Variants in APBA1 observed in about 807,000 individuals in gnomAD.
APBA1 encodes amyloid beta precursor protein binding family A member 1.
APBA1 carries 55 observed loss-of-function variants against 86.6 expected under a neutral mutation model. That is an observed-to-expected ratio of 0.64 (90% confidence interval 0.51 to 0.80). The LOEUF is 0.80. Among genes scored for constraint, APBA1 ranks in the 30% least tolerant of loss-of-function variants. APBA1 has a pLI of 0.00. For missense variants in APBA1, 1,090 were observed against 1,183.0 expected (o/e 0.92, Z 1.15); for synonymous variants, 511 against 493.9 (o/e 1.03, Z -0.46).
intron 8 of APBA1, among the ~76,000 whole-genome samples, chr9:69,453,771 T>C (rs1835051018): frequency 6.6e-6 from 1 of 152,246 alleles, no homozygotes; most frequent in East Asian, 1.9e-4. Flanking sequence ...TGGCAAAATC[T>C]GTAAGATTCA....
At chr9:69,604,421 C>A (rs1410884596) in intron 1 of APBA1, among the ~76,000 whole-genome samples, 1 of 145,946 alleles carries the variant, frequency 6.9e-6, no homozygotes, top group African/African-American at 2.6e-5. Flanking sequence ...AGTGTGGGCA[C>A]ACATATATGA....
rs537461078 is a variant in APBA1 at position 69,489,168 on chromosome 9, C to T, written c.1201-13025G>A. ...ATGGAACCAGAAAAGCCCGCATTGCCAAGATAATCCTAAGCCAAAAGGACA... is the reference window on the plus strand; with the variant it reads ...ATGGAACCAGAAAAGCCCGCATTGCTAAGATAATCCTAAGCCAAAAGGACA... On this transcript the variant is annotated intron_variant, in intron 2 of 12. Transcript: ENST00000265381. Among the ~76,000 whole-genome samples the T allele has an allele frequency of 1.8e-3, 268 of 152,126 alleles. 1 individual carries two copies. Among genetic ancestry groups the T allele is most frequent in the African/African-American group, 6.0e-3 (249 of 41,494 alleles).
intron 1 of APBA1, among the ~76,000 whole-genome samples, chr9:69,541,854 C>A (rs986577812): frequency 6.6e-6 from 1 of 151,852 alleles, no homozygotes; most frequent in Non-Finnish European, 1.5e-5. Context: ...TATTAAAATT[C>A]AAAAGTAATT....
At chr9:69,511,547 A>G (rs1836040918) in intron 2 of APBA1, among the ~76,000 whole-genome samples, 1 of 151,854 alleles carries the variant, frequency 6.6e-6, no homozygotes. Flanking sequence ...TAGAAATACC[A>G]TTTGACCCAG....
At chr9:69,672,645 G>A (rs1823980819), upstream of APBA1, 2 of 151,514 alleles carry the variant, frequency 1.3e-5, no homozygotes, top group African/African-American at 4.8e-5. Flanking sequence ...CGGCACACCC[G>A]CGCCTCTCGC....
chr9:69,615,034 A>C (rs1193631118), intron 1 of APBA1, among the ~76,000 whole-genome samples: 1 of 152,080 alleles, frequency 6.6e-6, no homozygotes, highest in Non-Finnish European at 1.5e-5. Context: ...CCCCTTCTCT[A>C]TCAAAAAATA....
chr9:69,630,529 T>C (rs1398090247), intron 1 of APBA1, among the ~76,000 whole-genome samples: 1 of 152,188 alleles, frequency 6.6e-6, no homozygotes, highest in African/African-American at 2.4e-5. Flanking sequence ...GTGCTGCCTC[T>C]ACCTCCTGGC....
At chr9:69,574,524 G>A (rs1384588146) in intron 1 of APBA1, among the ~76,000 whole-genome samples, 8 of 152,096 alleles carry the variant, frequency 5.3e-5, no homozygotes, top group Non-Finnish European at 7.4e-5. Context: ...TGAATGTACT[G>A]ATCTCTTTTT....
At chr9:69,557,959 T>C (rs749847149) in intron 1 of APBA1, among the ~76,000 whole-genome samples, 10 of 152,242 alleles carry the variant, frequency 6.6e-5, no homozygotes, top group Non-Finnish European at 1.5e-4. Context: ...ATTGTGCTGT[T>C]CAAATCTTCC....
rs1834522689 is a variant in APBA1 at position 69,428,228 on chromosome 9, T to TGG, written c.*3097_*3098dup. 6.6e-6 allele frequency: 1 copy of TGG among 152,098 alleles called. No homozygotes were observed. The highest frequency in any genetic ancestry group is 2.1e-4 in the South Asian group (1 of 4,798). The allele number at this position is 152,098 out of a possible 1,614,324, so 9.4% of individuals were successfully genotyped here. A position where few individuals can be genotyped will look rare whatever the true frequency, so the allele number is the denominator to read the frequency against. On this transcript the variant is annotated 3_prime_UTR_variant, in exon 13 of 13. Transcript: ENST00000265381. ...CAGGGTGAGGGGGGCAGAGGAGCGA[T>TGG]GGGGGAGGTAGTAGGTTACTCTGGG...
chr9:69,611,584 G>A (rs1203408732), intron 1 of APBA1, among the ~76,000 whole-genome samples: 1 of 152,182 alleles, frequency 6.6e-6, no homozygotes, highest in Admixed American at 6.5e-5. Flanking sequence ...CTCTTCATTA[G>A]ATTACCCATT....
chr9:69,577,768 T>A (rs986188964), intron 1 of APBA1, among the ~76,000 whole-genome samples: 2 of 152,218 alleles, frequency 1.3e-5, no homozygotes, highest in Admixed American at 6.5e-5. Context: ...TAAAATCATC[T>A]GGCTAACCAG....
At chr9:69,528,295 C>T (rs1836373848) in intron 1 of APBA1, among the ~76,000 whole-genome samples, 1 of 152,084 alleles carries the variant, frequency 6.6e-6, no homozygotes. Flanking sequence ...GTAGTGCCAA[C>T]CACAAAGCTC....
chr9:69,494,078 A>T (rs1161591413), intron 2 of APBA1, among the ~76,000 whole-genome samples: 1 of 152,134 alleles, frequency 6.6e-6, no homozygotes, highest in East Asian at 1.9e-4. Context: ...ATATTATCAA[A>T]GCACATTTGT....
intron 5 of APBA1, chr9:69,463,145 T>C (rs1167014362): frequency 6.6e-6 from 1 of 152,216 alleles, no homozygotes; most frequent in Non-Finnish European, 1.5e-5. Context: ...TGCTCAGATA[T>C]GTCATCTCTT....
chr9:69,651,354 C>T (rs552079191), intron 1 of APBA1, among the ~76,000 whole-genome samples: 11 of 152,242 alleles, frequency 7.2e-5, no homozygotes, highest in African/African-American at 2.6e-4. Context: ...CAGGTTTATA[C>T]AGATGTAAAA....
intron 1 of APBA1, among the ~76,000 whole-genome samples, chr9:69,522,897 G>A (rs541745861): frequency 3.3e-5 from 5 of 151,976 alleles, no homozygotes; most frequent in African/African-American, 1.2e-4. Flanking sequence ...AAAGTTGGAT[G>A]ACCTGGAAGA....
intron 1 of APBA1, among the ~76,000 whole-genome samples, chr9:69,582,384 C>G (rs1292617266): frequency 2.0e-5 from 3 of 152,166 alleles, no homozygotes; most frequent in African/African-American, 7.2e-5. Flanking sequence ...GGGTCGCTTT[C>G]TCCACCCTGG....
chr9:69,647,929 A>G (rs932306238), intron 1 of APBA1, among the ~76,000 whole-genome samples: 1 of 152,332 alleles, frequency 6.6e-6, no homozygotes, highest in South Asian at 2.1e-4. Flanking sequence ...GGATAGGAAC[A>G]TGGGGTTGAT....
Sources: gnomAD v4.1 joint callset for allele counts (sites outside exome capture counted in the v4.1 genomes callset) on GRCh38, gnomAD v4.1.1 for gene constraint, MANE v1.5 for transcripts, NCBI Gene and HGNC (gene_info 2026-07-23, HGNC 2026-07-21) for gene names.